Variants in PLXDC2 observed in about 807,000 individuals in gnomAD.
PLXDC2 encodes plexin domain containing 2, also known as plexin domain-containing protein 2.
Under a neutral mutation model 68.9 loss-of-function variants are expected in PLXDC2, and 40 were observed. The ratio of observed to expected loss-of-function variants is 0.58; its 90% confidence interval spans 0.45 to 0.76. The LOEUF is 0.76. PLXDC2 is among the 30% of genes least tolerant of loss of function. The pLI is 0.00. For synonymous variants in PLXDC2, 243 were observed against 234.2 expected, an observed-to-expected ratio of 1.04 and a Z score of -0.34; for missense variants, 644 against 661.9, an observed-to-expected ratio of 0.97 and a Z score of 0.30.
chr10:20,238,461 A>G lies in PLXDC2; in HGVS notation c.1313-6884A>G, dbSNP rs995800898. 1.1e-4 allele frequency among the ~76,000 whole-genome samples: 17 copies of G among 150,256 alleles called. 1 individual carries two copies. The highest frequency in any genetic ancestry group is 2.4e-4 in the Non-Finnish European group (16 of 67,660). ...CAGGAGTTCAAGACCAGCCTGGCCA[A>G]CAGGGTGAAACCCCGTCTCTACTAA... On this transcript the variant is annotated intron_variant, in intron 12 of 13. Transcript: ENST00000377252.
intron 1 of PLXDC2, among the ~76,000 whole-genome samples, chr10:19,913,885 T>G (rs1161906707): frequency 6.6e-6 from 1 of 152,150 alleles, no homozygotes; most frequent in African/African-American, 2.4e-5. Context: ...CTTTTTATTT[T>G]AGTTCTACCC....
At chr10:19,905,062 C>T (rs1006669261) in intron 1 of PLXDC2, among the ~76,000 whole-genome samples, 2 of 152,186 alleles carry the variant, frequency 1.3e-5, no homozygotes, top group Non-Finnish European at 2.9e-5. Context: ...TGCTGCTCAC[C>T]ACTTTCAGGT....
At chr10:20,190,281 T>C (rs951848621) in intron 9 of PLXDC2, among the ~76,000 whole-genome samples, 6 of 151,932 alleles carry the variant, frequency 3.9e-5, no homozygotes, top group South Asian at 4.1e-4. Context: ...ATATATTTCA[T>C]TCCTTTAGCT....
intron 6 of PLXDC2, among the ~76,000 whole-genome samples, chr10:20,164,177 T>C (rs1834342813): frequency 6.6e-6 from 1 of 152,172 alleles, no homozygotes; most frequent in African/African-American, 2.4e-5. Context: ...ATATGTGTGA[T>C]AGGTTTGCAG....
At chr10:19,937,607 G>A (rs1037419904) in intron 1 of PLXDC2, among the ~76,000 whole-genome samples, 3 of 134,852 alleles carry the variant, frequency 2.2e-5, no homozygotes, top group Non-Finnish European at 4.7e-5. Flanking sequence ...GAGGACAGAG[G>A]CTGTATTTTT....
chr10:19,958,962 A>G (rs549942517), intron 1 of PLXDC2, among the ~76,000 whole-genome samples: 3 of 152,318 alleles, frequency 2.0e-5, no homozygotes, highest in East Asian at 3.9e-4. Flanking sequence ...TCAGCCACTA[A>G]CAGATCATTA....
chr10:19,989,252 A>C (rs1834704599), intron 1 of PLXDC2, among the ~76,000 whole-genome samples: 1 of 152,198 alleles, frequency 6.6e-6, no homozygotes, highest in Non-Finnish European at 1.5e-5. Context: ...ACCTTATAAA[A>C]TGTGGTATGC....
chr10:20,081,670 A>G (rs568610787), intron 4 of PLXDC2, among the ~76,000 whole-genome samples: 1 of 152,318 alleles, frequency 6.6e-6, no homozygotes, highest in East Asian at 1.9e-4. Context: ...CAAACTTTAA[A>G]TAAACCAGAT....
chr10:19,945,071 G>A (rs1040135285), intron 1 of PLXDC2, among the ~76,000 whole-genome samples: 9 of 152,182 alleles, frequency 5.9e-5, no homozygotes, highest in East Asian at 1.9e-4. Context: ...CTCAGTGACC[G>A]GCCCAAGAGT....
chr10:19,850,810 C>G (rs1403018885), intron 1 of PLXDC2, among the ~76,000 whole-genome samples: 1 of 152,094 alleles, frequency 6.6e-6, no homozygotes, highest in African/African-American at 2.4e-5. Context: ...AACCCCAGAC[C>G]TGGAGCTAAG....
chr10:20,181,038 C>T (rs759241496), intron 9 of PLXDC2, among the ~76,000 whole-genome samples: 6 of 151,854 alleles, frequency 4.0e-5, no homozygotes, highest in South Asian at 2.1e-4. Flanking sequence ...TTTTGGTATA[C>T]GGAGACAGAG....
chr10:20,050,213 G>A (rs763683723), intron 3 of PLXDC2, among the ~76,000 whole-genome samples: 9 of 151,896 alleles, frequency 5.9e-5, no homozygotes, highest in African/African-American at 1.9e-4. Flanking sequence ...AAATCAATTC[G>A]AGATGGACTA....
chr10:19,883,692 G>A (rs1010878744), intron 1 of PLXDC2, among the ~76,000 whole-genome samples: 2 of 148,142 alleles, frequency 1.4e-5, no homozygotes, highest in African/African-American at 5.0e-5. Flanking sequence ...GCTTTCTTCA[G>A]ACTTGAAAAA....
intron 1 of PLXDC2, among the ~76,000 whole-genome samples, chr10:19,901,312 T>C (rs1160828004): frequency 6.6e-6 from 1 of 152,152 alleles, no homozygotes; most frequent in Non-Finnish European, 1.5e-5. Context: ...AAGTGTTCCC[T>C]TTTTACCACC....
chr10:20,082,771 C>T (rs1278188680), intron 4 of PLXDC2, among the ~76,000 whole-genome samples: 1 of 152,086 alleles, frequency 6.6e-6, no homozygotes, highest in Non-Finnish European at 1.5e-5. Flanking sequence ...TGAAAACCAC[C>T]TAACGCCCAT....
chr10:20,251,518 G>T (rs967437975), intron 13 of PLXDC2, among the ~76,000 whole-genome samples: 1 of 152,018 alleles, frequency 6.6e-6, no homozygotes, highest in African/African-American at 2.4e-5. Context: ...CATAAATTTT[G>T]TGACTTGTAA....
intron 13 of PLXDC2, among the ~76,000 whole-genome samples, chr10:20,277,741 T>A (rs1836027155): frequency 6.6e-6 from 1 of 152,226 alleles, no homozygotes. Flanking sequence ...CCTAGCTACA[T>A]GACATTTGTT....
chr10:20,187,412 A>G (rs575681939), intron 9 of PLXDC2, among the ~76,000 whole-genome samples: 82 of 152,026 alleles, frequency 5.4e-4, no homozygotes, highest in Middle Eastern at 3.4e-3. Flanking sequence ...TAATACAGGT[A>G]TACAATGTAT....
At chr10:19,965,758 G>A (rs1464610634) in intron 1 of PLXDC2, among the ~76,000 whole-genome samples, 1 of 151,366 alleles carries the variant, frequency 6.6e-6, no homozygotes, top group Non-Finnish European at 1.5e-5. Flanking sequence ...GTGTCTTAAT[G>A]TATGAATCTC....
Sources: gnomAD v4.1 joint callset for allele counts (sites outside exome capture counted in the v4.1 genomes callset) on GRCh38, gnomAD v4.1.1 for gene constraint, MANE v1.5 for transcripts, NCBI Gene and HGNC (gene_info 2026-07-23, HGNC 2026-07-21) for gene names.